NFE2L1: variants seen among roughly 807,000 people sequenced by gnomAD.
NFE2L1 encodes NFE2 like bZIP transcription factor 1.
In NFE2L1, 18 loss-of-function variants were observed where a neutral mutation model predicts 61.6. The ratio of observed to expected loss-of-function variants is 0.29; its 90% CI spans 0.20 to 0.43. The LOEUF is 0.43. Among genes scored for constraint, NFE2L1 ranks in the 20% least tolerant of loss-of-function variants. NFE2L1 has a pLI of 1.00. For synonymous variants in NFE2L1, 419 were observed against 402.7 expected (o/e 1.04, Z -0.48); for missense variants, 827 against 973.5 (o/e 0.85, Z 2.00).
In NFE2L1 at chr17:48,050,694, T is replaced by G; in HGVS notation, c.-425T>G. 1 of 434,654 alleles carries G rather than the reference T, an allele frequency of 2.3e-6. No individual in the cohort carries two copies. Among genetic ancestry groups the G allele is most frequent in the African/African-American group, 2.0e-5 (1 of 49,526 alleles). 26.9% of individuals were successfully genotyped at this position (434,654 alleles called of 1,614,324 possible). A position where few individuals can be genotyped will look rare whatever the true frequency, so the allele number is the denominator to read the frequency against. On this transcript the variant is annotated 5_prime_UTR_variant, in exon 2 of 6. Coordinates refer to ENST00000362042, the MANE Select transcript of NFE2L1 (RefSeq NM_003204.3). ...GGCCTGTAGCTCCAGCCAAAGAAAA[T>G]AAACCTTAGGAGGGAGAAGGAAAAA...
chr17:48,050,832 G>T lies in NFE2L1; in HGVS notation c.-287G>T, dbSNP rs560133194. 1.3e-3 allele frequency: 789 copies of T among 593,272 alleles called. 3 individuals carry two copies. The highest frequency in any genetic ancestry group is 2.7e-3 in the Middle Eastern group (6 of 2,232). The allele number at this position is 593,272 out of a possible 1,614,324, so 36.8% of individuals were successfully genotyped here. On this transcript the variant is annotated 5_prime_UTR_variant, in exon 2 of 6. Coordinates refer to ENST00000362042, the MANE Select transcript of NFE2L1 (RefSeq NM_003204.3). ...GACTGTGGAGAAAGTAAGTCACGTGGGCCCTTGAGGACCTGGACTGGGTTA... is the reference window on the plus strand; with the variant it reads ...GACTGTGGAGAAAGTAAGTCACGTGTGCCCTTGAGGACCTGGACTGGGTTA...
chr17:48,055,427 G>A (rs1006615308), intron 2 of NFE2L1, among the ~76,000 whole-genome samples: 7 of 152,106 alleles, frequency 4.6e-5, no homozygotes, highest in African/African-American at 1.4e-4. Flanking sequence ...TAGTGGGGGT[G>A]GCAGTTGGTG....
At chr17:48,049,159 C>T (rs1427492421) in intron 1 of NFE2L1, 1 of 152,070 alleles carries the variant, frequency 6.6e-6, no homozygotes, top group African/African-American at 2.4e-5. Flanking sequence ...AGAGGAGAGG[C>T]GGTATGTCTT....
intron 2 of NFE2L1, 139 bp downstream of exon 2, chr17:48,051,767 A>G (rs2144354613): frequency 9.2e-7 from 1 of 1,092,346 alleles, no homozygotes; most frequent in Non-Finnish European, 1.3e-6. Context: ...TTGGGTAGGG[A>G]TGGGCTGAAC....
At position 48,058,813 on chromosome 17, in the gene NFE2L1, TTCC is replaced by T. The variant is rs2037471586; in HGVS notation, c.1494_1496del (p.Ser509del). The T allele has an allele frequency of 6.2e-6, 10 of 1,614,040 alleles. No individual in the cohort carries two copies. The highest frequency in any genetic ancestry group is 8.5e-6 in the Non-Finnish European group (10 of 1,179,976). On this transcript the variant is annotated inframe_deletion, in exon 6 of 6. Transcript: ENST00000362042. ...CCCTAAGCAGCTCTGAAGGCAGTTC[TTCC>T]TCTTCTTCCTCCTCCTCTTCCTCTT...
chr17:48,058,688 G>A lies in NFE2L1; in HGVS notation c.1366G>A (p.Ala456Thr), dbSNP rs1334558890. The A allele has an allele frequency of 1.2e-6, 2 of 1,614,092 alleles. No homozygotes were observed. The highest frequency in any genetic ancestry group is 2.7e-5 in the African/African-American group (2 of 74,946). ...MLDEISLMDL[A>T]IEEGFNPVQA... ...GGATGAGATCAGCCTTATGGACCTGGCCATTGAAGAAGGCTTTAACCCTGT... is the reference window on the plus strand; with the variant it reads ...GGATGAGATCAGCCTTATGGACCTGACCATTGAAGAAGGCTTTAACCCTGT... Residue 456 changes from alanine to threonine, a missense_variant, in exon 6 of 6, where the codon GCC (alanine) becomes ACC (threonine). Around this residue, in one of 3 missense-constraint regions of NFE2L1, gnomAD observed 667 missense variants for 748.4 expected, o/e 0.89. Coordinates refer to ENST00000362042, the MANE Select transcript of NFE2L1 (RefSeq NM_003204.3).
rs1478648256 is a variant in NFE2L1 at position 48,059,550 on chromosome 17, C to T, written c.2228C>T (p.Ala743Val). Residue 743 changes from alanine to valine, a missense_variant, in exon 6 of 6, where the codon GCC (alanine) becomes GTC (valine). Physicochemically the swap from Ala to Val is moderately conservative, Grantham distance 64. Around this residue, in one of 3 missense-constraint regions of NFE2L1, gnomAD observed 86 missense variants for 97.3 expected, o/e 0.88. Coordinates refer to ENST00000362042, the MANE Select transcript of NFE2L1 (RefSeq NM_003204.3). The surrounding 1 kb of genome is among the most constrained non-coding windows in gnomAD (Gnocchi z 6.1). ...YSPSQYALQYAGDGSVLLIPR... is the reference protein window; with the variant it reads ...YSPSQYALQYVGDGSVLLIPR... ...CCCAGTCAGTATGCGCTCCAGTACGCCGGGGACGGCAGTGTCCTCCTCATC... is the reference window on the plus strand; with the variant it reads ...CCCAGTCAGTATGCGCTCCAGTACGTCGGGGACGGCAGTGTCCTCCTCATC... The T allele has an allele frequency of 1.2e-6, 2 of 1,611,752 alleles. No individual in the cohort carries two copies. Among genetic ancestry groups the T allele is most frequent in the African/African-American group, 2.7e-5 (2 of 74,860 alleles).
chr17:48,050,860 AAC>A lies in NFE2L1; in HGVS notation c.-257_-256del. On this transcript the variant is annotated 5_prime_UTR_variant, in exon 2 of 6. Transcript: ENST00000362042. ...CCTTGAGGACCTGGACTGGGTTAGG[AAC>A]AGTTGTACTTTCAGAGGTGAGGTGT... 1 of 603,510 alleles carries A rather than the reference AAC, an allele frequency of 1.7e-6. No individual in the cohort carries two copies. Among genetic ancestry groups the A allele is most frequent in the Non-Finnish European group, 2.9e-6 (1 of 340,362 alleles). 37.4% of individuals were successfully genotyped at this position (603,510 alleles called of 1,614,324 possible).
chr17:48,059,676 A>C lies in NFE2L1; in HGVS notation c.*35A>C, dbSNP rs2037500400. ...AGAAGGGGGTTTGAAGCCCACCAAG[A>C]CCGAAACTGGAGAAGGGCTGGACCT... On this transcript the variant is annotated 3_prime_UTR_variant, in exon 6 of 6. Coordinates refer to ENST00000362042, the MANE Select transcript of NFE2L1 (RefSeq NM_003204.3). This position sits in a 1 kb window ranked among gnomAD's most constrained non-coding sequence, Gnocchi z 6.1. The C allele has an allele frequency of 6.6e-7, 1 of 1,520,682 alleles. No individual in the cohort carries two copies. The highest frequency in any genetic ancestry group is 1.4e-5 in the African/African-American group (1 of 71,594). 94.2% of individuals were successfully genotyped at this position (1,520,682 alleles called of 1,614,324 possible).
In NFE2L1 at chr17:48,058,853, T is replaced by G; in HGVS notation, c.1531T>G (p.Ser511Ala). ...SSSSSSSSSA[S>A]SSASSSFSEE... The stretch of plus-strand genomic sequence containing the variant: ...CTCCTCTTCCTCTTCTTCCTCTGCT[T>G]CTTCCTCTGCCTCTTCCTCCTTTTC... Residue 511 changes from serine to alanine, a missense_variant, in exon 6 of 6, where the codon TCT becomes GCT. By Grantham distance (99) the Ser-to-Ala change is moderately conservative. Coordinates refer to ENST00000362042, the MANE Select transcript of NFE2L1 (RefSeq NM_003204.3). 2 of 1,613,806 alleles carry G rather than the reference T, an allele frequency of 1.2e-6. No homozygotes were observed. The highest frequency in any genetic ancestry group is 1.3e-5 in the African/African-American group (1 of 75,040).
chr17:48,058,487 A>G lies in NFE2L1; in HGVS notation c.1165A>G (p.Ser389Gly). Residue 389 changes from serine to glycine, a missense_variant, in exon 6 of 6, where the codon AGT (serine) becomes GGT (glycine). By Grantham distance (56) the Ser-to-Gly change is moderately conservative. Coordinates refer to ENST00000362042, the MANE Select transcript of NFE2L1 (RefSeq NM_003204.3). ...CGAGGTGGAAAGCCTGCCTGTGGCC[A>G]GTAGCTCCACGCTGCTCCCGTTGGC... ...SPEVESLPVA[S>G]SSTLLPLAPS... 6.2e-7 allele frequency: 1 copy of G among 1,613,448 alleles called. No individual in the cohort carries two copies. Among genetic ancestry groups the G allele is most frequent in the Non-Finnish European group, 8.5e-7 (1 of 1,179,612 alleles).
chr17:48,060,133 A>C lies in NFE2L1; in HGVS notation c.*492A>C, dbSNP rs776376082. 6.4e-4 allele frequency: 79 copies of C among 122,616 alleles called. No homozygotes were observed. The highest frequency in any genetic ancestry group is 1.0e-3 in the Non-Finnish European group (64 of 62,888). 7.6% of individuals were successfully genotyped at this position (122,616 alleles called of 1,614,324 possible). A position where few individuals can be genotyped will look rare whatever the true frequency, so the allele number is the denominator to read the frequency against. ...GGATTCCAGGCAGCAGGTTGGAGTGACTGGTGGGCCTAGATCACTGGTGTG... is the reference window on the plus strand; with the variant it reads ...GGATTCCAGGCAGCAGGTTGGAGTGCCTGGTGGGCCTAGATCACTGGTGTG... On this transcript the variant is annotated 3_prime_UTR_variant, in exon 6 of 6. Coordinates refer to ENST00000362042, the MANE Select transcript of NFE2L1 (RefSeq NM_003204.3).
In NFE2L1 at chr17:48,057,396, C is replaced by T. The variant is rs767422993; in HGVS notation, c.866C>T (p.Pro289Leu). Residue 289 changes from proline to leucine, a missense_variant, in exon 5 of 6, where the codon CCC becomes CTC. Pro to Leu is a moderately conservative substitution (Grantham distance 98). Around this residue, in one of 3 missense-constraint regions of NFE2L1, gnomAD observed 667 missense variants for 748.4 expected, o/e 0.89. Transcript: ENST00000362042. ...ITEAVPSESE[P>L]PALQNNLLSP... ...GAAGCAGTGCCTAGTGAGAGTGAGCCCCCTGCTCTTCAAAACAACCTCTTG... is the reference window on the plus strand; with the variant it reads ...GAAGCAGTGCCTAGTGAGAGTGAGCTCCCTGCTCTTCAAAACAACCTCTTG... 1.2e-6 allele frequency: 2 copies of T among 1,614,184 alleles called. No homozygotes were observed. The highest frequency in any genetic ancestry group is 2.2e-5 in the South Asian group (2 of 91,092).
chr17:48,058,437 G>A lies in NFE2L1; in HGVS notation c.1115G>A (p.Ser372Asn). Reference protein sequence around the residue: ...SLHQASLGGCSQDFLLFSPEV... With the variant: ...SLHQASLGGCNQDFLLFSPEV... ...CATCAGGCGTCCCTGGGGGGCTGCA[G>A]CCAGGACTTCTTACTCTTCAGCCCC... The change falls in exon 6 of 6, where the codon AGC becomes AAC. Residue 372 changes from serine to asparagine, a missense_variant. Coordinates refer to ENST00000362042, the MANE Select transcript of NFE2L1 (RefSeq NM_003204.3). The A allele has an allele frequency of 3.1e-6, 5 of 1,614,206 alleles. No homozygotes were observed. Among genetic ancestry groups the A allele is most frequent in the Non-Finnish European group, 4.2e-6 (5 of 1,180,032 alleles).
In NFE2L1 at chr17:48,051,254, C is replaced by T. The variant is rs1289974157; in HGVS notation, c.136C>T (p.Pro46Ser). 3 of 1,614,026 alleles carry T rather than the reference C, an allele frequency of 1.9e-6. No homozygotes were observed. In the South Asian group the frequency reaches 3.3e-5, roughly 18 times the overall value. ...LPPLREIILGPSSAYTQTQFH... is the reference protein window; with the variant it reads ...LPPLREIILGSSSAYTQTQFH... ...CCCACTCCGGGAGATCATCCTGGGGCCCAGTTCTGCCTATACTCAGACCCA... is the reference window on the plus strand; with the variant it reads ...CCCACTCCGGGAGATCATCCTGGGGTCCAGTTCTGCCTATACTCAGACCCA... The change falls in exon 2 of 6, where the codon CCC (proline) becomes TCC (serine). Residue 46 changes from proline to serine, a missense_variant. Transcript: ENST00000362042.
In NFE2L1 at chr17:48,059,527, C is replaced by T. The variant is rs146486596; in HGVS notation, c.2205C>T (p.Pro735=). 139 of 1,613,810 alleles carry T rather than the reference C, an allele frequency of 8.6e-5. No homozygotes were observed. Among genetic ancestry groups the T allele is most frequent in the Non-Finnish European group, 3.1e-5 (37 of 1,179,894 alleles). ...ATGAGAACGGACGACCCTACTCGCC[C>T]AGTCAGTATGCGCTCCAGTACGCCG... The part of the protein sequence containing the change: ...LRDENGRPYS[P]SQYALQYAGD... Residue 735 remains proline (P), a synonymous_variant, in exon 6 of 6, where the codon CCC becomes CCT. Coordinates refer to ENST00000362042, the MANE Select transcript of NFE2L1 (RefSeq NM_003204.3). This position sits in a 1 kb window ranked among gnomAD's most constrained non-coding sequence, Gnocchi z 6.1.
In NFE2L1 at chr17:48,059,719, T is replaced by C. The variant is rs1412483323; in HGVS notation, c.*78T>C. On this transcript the variant is annotated 3_prime_UTR_variant, in exon 6 of 6. Coordinates refer to ENST00000362042, the MANE Select transcript of NFE2L1 (RefSeq NM_003204.3). This position sits in a 1 kb window ranked among gnomAD's most constrained non-coding sequence, Gnocchi z 6.1. ...CTGGACCTGGACCTGGACCTGGACCTACAGCGGGGACTTAAATGCCTTCTT... is the reference window on the plus strand; with the variant it reads ...CTGGACCTGGACCTGGACCTGGACCCACAGCGGGGACTTAAATGCCTTCTT... 1 of 1,468,458 alleles carries C rather than the reference T, an allele frequency of 6.8e-7. No homozygotes were observed. The highest frequency in any genetic ancestry group is 9.0e-7 in the Non-Finnish European group (1 of 1,108,380). 91.0% of individuals were successfully genotyped at this position (1,468,458 alleles called of 1,614,324 possible).
intron 1 of NFE2L1, chr17:48,049,138 C>G (rs757850472): frequency 6.6e-6 from 1 of 152,150 alleles, no homozygotes; most frequent in Non-Finnish European, 1.5e-5. Context: ...GTAGATGGGT[C>G]ACAACGCAGG....
chr17:48,051,324 C>G lies in NFE2L1; in HGVS notation c.206C>G (p.Pro69Arg), dbSNP rs777496130. 6.2e-7 allele frequency: 1 copy of G among 1,614,090 alleles called. No homozygotes were observed. The highest frequency in any genetic ancestry group is 8.5e-7 in the Non-Finnish European group (1 of 1,180,022). Residue 69 changes from proline to arginine, a missense_variant, in exon 2 of 6, where the codon CCC becomes CGC. Physicochemically the swap from Pro to Arg is moderately radical, Grantham distance 103. Transcript: ENST00000362042. ...RNTLDGYGIH[P>R]KSIDLDNYFT... ...ACCTTGGATGGCTATGGTATCCACC[C>G]CAAGAGCATAGACCTGGACAATTAC...
Sources: allele counts gnomAD v4.1 joint callset (sites outside exome capture counted in the v4.1 genomes callset), GRCh38; gene constraint gnomAD v4.1.1; regional missense constraint gnomAD v4.1.1; non-coding constraint Gnocchi (gnomAD v3.1); transcripts MANE v1.5; gene names NCBI Gene and HGNC (gene_info 2026-07-23, HGNC 2026-07-21).